MDGA2: variants seen among roughly 807,000 people sequenced by gnomAD.
MDGA2 encodes MAM domain containing glycosylphosphatidylinositol anchor 2.
Under a neutral mutation model 117.8 loss-of-function variants are expected in MDGA2, and 40 were observed. The ratio of observed to expected loss-of-function variants is 0.34; its 90% CI spans 0.26 to 0.44. MDGA2 has a LOEUF of 0.44. Ranked by LOEUF, MDGA2 falls within the 20% of genes least tolerant of loss-of-function variation. MDGA2 has a pLI of 1.00. For missense variants in MDGA2, 1,123 were observed against 1,250.6 expected (o/e 0.90, Z 1.54); for synonymous variants, 452 against 439.0 (o/e 1.03, Z -0.37).
chr14:47,564,802 T>C (rs1895885298), intron 1 of MDGA2, among the ~76,000 whole-genome samples: 1 of 152,244 alleles, frequency 6.6e-6, no homozygotes, highest in Admixed American at 6.5e-5. Context: ...TCAGAGGTTT[T>C]GTTCATTCTT....
intron 3 of MDGA2, among the ~76,000 whole-genome samples, chr14:47,173,443 C>T (rs1022061204): frequency 2.0e-4 from 30 of 152,262 alleles, no homozygotes; most frequent in African/African-American, 5.5e-4. Context: ...AGACTAACAG[C>T]GGATCTCTCG....
chr14:47,345,124 A>T (rs1488565110), intron 1 of MDGA2, among the ~76,000 whole-genome samples: 1 of 152,060 alleles, frequency 6.6e-6, no homozygotes, highest in Admixed American at 6.6e-5. Context: ...CAAAACCAAT[A>T]AAAAAAGGAA....
At chr14:47,251,164 G>A (rs1004821881) in intron 2 of MDGA2, among the ~76,000 whole-genome samples, 1 of 152,168 alleles carries the variant, frequency 6.6e-6, no homozygotes, top group Admixed American at 6.5e-5. Flanking sequence ...TTTCATATAT[G>A]TTTGGTTTTC....
At chr14:47,401,795 C>A (rs1458012190) in intron 1 of MDGA2, among the ~76,000 whole-genome samples, 1 of 152,190 alleles carries the variant, frequency 6.6e-6, no homozygotes, top group African/African-American at 2.4e-5. Context: ...CAGCCAGTGT[C>A]ATTGCACAGT....
chr14:47,202,881 C>T (rs1257393890), intron 3 of MDGA2, among the ~76,000 whole-genome samples: 1 of 149,356 alleles, frequency 6.7e-6, no homozygotes, highest in Non-Finnish European at 1.5e-5. Context: ...AATGTTAATG[C>T]TATAGAACTT....
chr14:47,541,411 T>A (rs1895350058), intron 1 of MDGA2, among the ~76,000 whole-genome samples: 1 of 152,182 alleles, frequency 6.6e-6, no homozygotes, highest in Non-Finnish European at 1.5e-5. Flanking sequence ...AATTTTCCCA[T>A]GCTTGGGGTA....
chr14:47,575,641 A>G (rs1896102094), intron 1 of MDGA2, among the ~76,000 whole-genome samples: 1 of 152,160 alleles, frequency 6.6e-6, no homozygotes, highest in Non-Finnish European at 1.5e-5. Flanking sequence ...TCTACTATCC[A>G]TGAAGGACAA....
intron 1 of MDGA2, among the ~76,000 whole-genome samples, chr14:47,534,968 C>A (rs896908634): frequency 7.9e-5 from 12 of 152,238 alleles, no homozygotes; most frequent in African/African-American, 2.9e-4. Flanking sequence ...TTTTTGAATG[C>A]CACTCAGCTA....
intron 2 of MDGA2, among the ~76,000 whole-genome samples, chr14:47,264,668 GATTTTATTTTTATTTT>G (rs1448206309): frequency 6.6e-6 from 1 of 151,706 alleles, no homozygotes; most frequent in Non-Finnish European, 1.5e-5. Context: ...AAAATTTTAT[GATTTTATTTTTATTTT>G]ATTTTATTTT....
intron 2 of MDGA2, among the ~76,000 whole-genome samples, chr14:47,229,348 C>A (rs1886611392): frequency 6.6e-6 from 1 of 152,028 alleles, no homozygotes; most frequent in Admixed American, 6.6e-5. Flanking sequence ...GAATGGGTCC[C>A]TGATGACACC....
At chr14:47,424,580 G>A (rs1256460948) in intron 1 of MDGA2, among the ~76,000 whole-genome samples, 1 of 152,090 alleles carries the variant, frequency 6.6e-6, no homozygotes, top group Non-Finnish European at 1.5e-5. Context: ...ATACAATTAT[G>A]AGGATGGTTA....
intron 9 of MDGA2, among the ~76,000 whole-genome samples, chr14:46,947,636 CCT>C (rs1190847323): frequency 6.6e-6 from 1 of 151,892 alleles, no homozygotes. Context: ...GCACAAGCTC[CCT>C]CTCTCTCTTT....
chr14:47,119,515 T>A (rs1365584267), intron 5 of MDGA2, among the ~76,000 whole-genome samples: 1 of 152,212 alleles, frequency 6.6e-6, no homozygotes, highest in Non-Finnish European at 1.5e-5. Context: ...TGTAATATAA[T>A]GTCTTTGTAC....
At chr14:47,200,889 C>T in intron 3 of MDGA2, 1 of 862,610 alleles carries the variant, frequency 1.2e-6, no homozygotes, top group Non-Finnish European at 2.0e-6. Context: ...TTAAGGCAGT[C>T]CAGAGCGGCC....
At chr14:46,931,492 T>C (rs1884573791) in intron 9 of MDGA2, among the ~76,000 whole-genome samples, 1 of 151,424 alleles carries the variant, frequency 6.6e-6, no homozygotes, top group Non-Finnish European at 1.5e-5. Flanking sequence ...AAAAAAAATG[T>C]GTTTCATTCC....
chr14:47,460,459 T>C (rs1020491259), intron 1 of MDGA2, among the ~76,000 whole-genome samples: 1 of 152,128 alleles, frequency 6.6e-6, no homozygotes, highest in African/African-American at 2.4e-5. Flanking sequence ...TTTCTATTTT[T>C]AGAAAAACAT....
At chr14:47,634,683 T>A (rs973030688) in intron 1 of MDGA2, among the ~76,000 whole-genome samples, 1 of 152,112 alleles carries the variant, frequency 6.6e-6, no homozygotes, top group Non-Finnish European at 1.5e-5. Context: ...TTAGTTAGAC[T>A]GATTGATCTT....
intron 1 of MDGA2, among the ~76,000 whole-genome samples, chr14:47,569,852 A>C (rs61321577): frequency 1.3e-5 from 2 of 152,190 alleles, no homozygotes; most frequent in Admixed American, 6.5e-5. Flanking sequence ...TTTTAATTTC[A>C]AAAAGGTCAC....
intron 2 of MDGA2, among the ~76,000 whole-genome samples, chr14:47,270,762 T>G (rs1485551709): frequency 1.3e-5 from 2 of 151,834 alleles, no homozygotes; most frequent in East Asian, 3.9e-4. Flanking sequence ...ATAGGCTGTA[T>G]GTAAGCGTGC....
Sources: gnomAD v4.1 joint callset for allele counts (sites outside exome capture counted in the v4.1 genomes callset) on GRCh38, gnomAD v4.1.1 for gene constraint, MANE v1.5 for transcripts, NCBI Gene and HGNC (gene_info 2026-07-23, HGNC 2026-07-21) for gene names.